Variants in STPG2 observed in about 807,000 individuals in gnomAD.
STPG2 encodes sperm tail PG-rich repeat containing 2.
Under a neutral mutation model 54.2 loss-of-function variants are expected in STPG2, and 56 were observed. The observed-to-expected ratio is 1.03, with a 90% CI of 0.83 to 1.29. The LOEUF is 1.29. STPG2 is among the 50% of genes most tolerant of loss of function. The pLI, the probability that STPG2 is intolerant of heterozygous loss-of-function variation, is 0.00. For synonymous variants in STPG2, 200 were observed against 181.8 expected, an observed-to-expected ratio of 1.10 and a Z score of -0.81; for missense variants, 596 against 544.9, an observed-to-expected ratio of 1.09 and a Z score of -0.93.
chr4:97,538,862 G>A (rs933278062), intron 4 of STPG2, among the ~76,000 whole-genome samples: 46 of 152,196 alleles, frequency 3.0e-4, no homozygotes, highest in African/African-American at 1.1e-3. Context: ...AACTTTACAA[G>A]CCAGAAGAGA....
chr4:97,599,926 C>T (rs1239543144), intron 10 of STPG2, among the ~76,000 whole-genome samples: 2 of 152,018 alleles, frequency 1.3e-5, no homozygotes, highest in African/African-American at 4.8e-5. Context: ...AAGGAGATCA[C>T]GTTCTTTGCT....
At chr4:97,868,347 C>T (rs1436183009) in intron 8 of STPG2, among the ~76,000 whole-genome samples, 1 of 151,808 alleles carries the variant, frequency 6.6e-6, no homozygotes, top group Non-Finnish European at 1.5e-5. Context: ...CTGTGGAAAT[C>T]TTAGGCATCC....
chr4:97,897,420 C>G (rs530373444), intron 8 of STPG2, among the ~76,000 whole-genome samples: 1 of 152,068 alleles, frequency 6.6e-6, no homozygotes, highest in South Asian at 2.1e-4. Context: ...GGATATATAC[C>G]CAGTAATGGG....
intron 4 of STPG2, among the ~76,000 whole-genome samples, chr4:97,454,622 T>G (rs1213194359): frequency 6.8e-6 from 1 of 146,052 alleles, no homozygotes; most frequent in Admixed American, 7.0e-5. Flanking sequence ...AATAAATATA[T>G]AGCATATCTT....
intron 5 of STPG2, among the ~76,000 whole-genome samples, chr4:98,042,121 T>C (rs1041843136): frequency 2.0e-5 from 3 of 151,852 alleles, no homozygotes; most frequent in African/African-American, 7.2e-5. Context: ...TGTGGGCATA[T>C]CGTCATTCAT....
At chr4:97,468,116 G>T (rs1056589556) in intron 4 of STPG2, among the ~76,000 whole-genome samples, 2 of 151,880 alleles carry the variant, frequency 1.3e-5, no homozygotes, top group South Asian at 2.1e-4. Flanking sequence ...TAAAAGAAAA[G>T]CTTCTATATC....
Position 97,543,956 on chromosome 4 carries a change from A to G in STPG2, c.462+168743T>C, listed in dbSNP as rs1478235905. ...TACTTACCACACATTAGTATACTTC[A>G]ATGAGAAACACCTCCAAAAGGTACG... On this transcript the variant is annotated intron_variant, in intron 4 of 4. Coordinates refer to the STPG2 transcript ENST00000522676. Among the ~76,000 whole-genome samples, 3 of 152,080 alleles carry G rather than the reference A, an allele frequency of 2.0e-5. No homozygotes were observed. In the East Asian group the frequency reaches 5.8e-4, roughly 29 times the overall value.
At chr4:97,784,133 C>G (rs1051215708) in intron 9 of STPG2, among the ~76,000 whole-genome samples, 1 of 146,004 alleles carries the variant, frequency 6.8e-6, no homozygotes, top group Non-Finnish European at 1.5e-5. Flanking sequence ...AAAATAAAAA[C>G]ACTCAGCCTA....
chr4:97,963,482 G>A (rs1193910390), intron 7 of STPG2, among the ~76,000 whole-genome samples: 1 of 151,976 alleles, frequency 6.6e-6, no homozygotes, highest in Non-Finnish European at 1.5e-5. Flanking sequence ...GTGAGACCTT[G>A]TCTCTATGAA....
intron 7 of STPG2, among the ~76,000 whole-genome samples, chr4:97,966,287 C>T (rs368292629): frequency 6.6e-6 from 1 of 151,666 alleles, no homozygotes. Flanking sequence ...GGTTGAAGAA[C>T]AAATTAATGA....
In STPG2 at chr4:97,845,858, G is replaced by A. The variant is rs140698318; in HGVS notation, c.1045-4926C>T. Among the ~76,000 whole-genome samples the A allele has an allele frequency of 4.2e-3, 639 of 152,276 alleles. 2 individuals are homozygous for A. The highest frequency in any genetic ancestry group is 0.014 in the Middle Eastern group (4 of 292). ...TGAGATTACAAGCTGTGTTCCATTT[G>A]CATAGCCATTTACTAAGTCTGGGCA... On this transcript the variant is annotated intron_variant, in intron 8 of 10. Coordinates refer to ENST00000295268, the MANE Select transcript of STPG2 (RefSeq NM_174952.3).
intron 4 of STPG2, among the ~76,000 whole-genome samples, chr4:97,510,538 A>G (rs1730949928): frequency 6.6e-6 from 1 of 152,046 alleles, no homozygotes; most frequent in African/African-American, 2.4e-5. Flanking sequence ...CTAAAACTCT[A>G]TAGTCTTGAG....
At chr4:97,617,551 G>C (rs1733906954) in intron 10 of STPG2, among the ~76,000 whole-genome samples, 1 of 152,148 alleles carries the variant, frequency 6.6e-6, no homozygotes, top group African/African-American at 2.4e-5. Flanking sequence ...TAGTAGGTTT[G>C]ACAGAGATTC....
chr4:97,961,516 A>G (rs1001106245), intron 7 of STPG2, among the ~76,000 whole-genome samples: 2 of 152,128 alleles, frequency 1.3e-5, no homozygotes, highest in Non-Finnish European at 2.9e-5. Context: ...TAGCAAGAAA[A>G]CAAACAATCC....
intron 9 of STPG2, among the ~76,000 whole-genome samples, chr4:97,727,529 G>T (rs974947058): frequency 6.6e-6 from 1 of 151,902 alleles, no homozygotes; most frequent in Non-Finnish European, 1.5e-5. Flanking sequence ...TTTTTATGCA[G>T]AATGCAAGTT....
intron 4 of STPG2, among the ~76,000 whole-genome samples, chr4:97,445,560 C>T (rs906244123): frequency 5.9e-5 from 9 of 152,034 alleles, no homozygotes; most frequent in Admixed American, 5.2e-4. Context: ...AGATATTTTA[C>T]ACTTTTTTCT....
chr4:97,515,158 G>T (rs1731048551), intron 4 of STPG2, among the ~76,000 whole-genome samples: 1 of 152,038 alleles, frequency 6.6e-6, no homozygotes, highest in South Asian at 2.1e-4. Flanking sequence ...CACTTTCAGA[G>T]ATGAAAACCT....
intron 8 of STPG2, among the ~76,000 whole-genome samples, chr4:97,933,276 C>T (rs759667848): frequency 7.2e-5 from 11 of 151,736 alleles, no homozygotes; most frequent in East Asian, 1.9e-4. Flanking sequence ...CTTTGTCAGG[C>T]GGGTAGATCA....
rs551599807 is a variant in STPG2, at chr4:97,532,907, G to C, written c.462+179792C>G. On this transcript the variant is annotated intron_variant, in intron 4 of 4. Transcript: ENST00000522676. The stretch of plus-strand genomic sequence containing the variant: ...TTCTTTTCTTTTTTCTTTTGAGATG[G>C]AGTTTCGCTCTGTCACCCAGGCTGG... 2.0e-5 allele frequency among the ~76,000 whole-genome samples: 3 copies of C among 152,134 alleles called. No individual in the cohort carries two copies. In the East Asian group the frequency reaches 5.8e-4, roughly 30 times the overall value.
Sources: allele counts gnomAD v4.1 joint callset (sites outside exome capture counted in the v4.1 genomes callset), GRCh38; gene constraint gnomAD v4.1.1; transcripts MANE v1.5; gene names NCBI Gene and HGNC (gene_info 2026-07-23, HGNC 2026-07-21).